Variants in TCF20 observed in about 807,000 individuals in gnomAD.
TCF20 encodes the protein SPRE-binding protein.
A neutral mutation model predicts 148.6 loss-of-function variants in TCF20; 3 were observed. The observed-to-expected ratio is 0.02, with a 90% confidence interval of 0.01 to 0.05. The LOEUF is 0.05. TCF20 is among the 10% of genes least tolerant of loss of function. TCF20 has a pLI of 1.00. For missense variants in TCF20, 2,350 were observed against 2,429.3 expected (o/e 0.97, Z 0.69); for synonymous variants, 1,049 against 909.5 (o/e 1.15, Z -2.76).
intron 1 of TCF20, among the ~76,000 whole-genome samples, chr22:42,289,252 T>C (rs1927089831): frequency 6.6e-6 from 1 of 152,192 alleles, no homozygotes; most frequent in Non-Finnish European, 1.5e-5. Flanking sequence ...GGTATTTTTA[T>C]ACCCATTTTA....
At chr22:42,342,715 G>A (rs973379852) in intron 1 of TCF20, among the ~76,000 whole-genome samples, 4 of 152,144 alleles carry the variant, frequency 2.6e-5, no homozygotes, top group East Asian at 1.9e-4. Context: ...CCCTACTTCC[G>A]CATTAAATTG....
At chr22:42,264,266 C>CG (rs1926166867) in intron 1 of TCF20, among the ~76,000 whole-genome samples, 1 of 1,174 alleles carries the variant, frequency 8.5e-4, no homozygotes, top group Admixed American at 0.013. Context: ...TAAAGTGGGG[C>CG]GGGGGCGGGG....
intron 3 of TCF20, 39 bp from the exon 4 acceptor site, chr22:42,169,935 A>G (rs1278566455): frequency 6.2e-7 from 1 of 1,607,804 alleles, no homozygotes; most frequent in Non-Finnish European, 8.5e-7. Flanking sequence ...GAGACTTCAC[A>G]GCTGGACATA....
chr22:42,254,959 CA>C (rs10625678), intron 1 of TCF20, among the ~76,000 whole-genome samples: 79 of 62,800 alleles, frequency 1.3e-3, no homozygotes, highest in Admixed American at 3.1e-3. Flanking sequence ...GACTCCGTCT[CA>C]AAAAAAAAAA....
At position 42,222,414 on chromosome 22, in the gene TCF20, G is replaced by C. The variant is rs145226648; in HGVS notation, c.-36-7073C>G. On this transcript the variant is annotated intron_variant, in intron 1 of 5. Coordinates refer to ENST00000677622, the MANE Select transcript of TCF20 (RefSeq NM_001378418.1). ...CGTCACTGTCATTTTCATCTTTCTT[G>C]GGCTAGAATAACACCTGAAAAGTTC... Among the ~76,000 whole-genome samples, 70 of 151,982 alleles carry C rather than the reference G, an allele frequency of 4.6e-4. No homozygotes were observed. In the Middle Eastern group the frequency reaches 0.017, roughly 37 times the overall value.
At chr22:42,285,812 G>A (rs2147021660), upstream of TCF20, among the ~76,000 whole-genome samples, 1 of 151,978 alleles carries the variant, frequency 6.6e-6, no homozygotes, top group African/African-American at 2.4e-5. This position sits in a 1 kb window ranked among gnomAD's most constrained non-coding sequence, Gnocchi z 4.2. Flanking sequence ...CTGGGCCTTT[G>A]CACATGCTGT....
chr22:42,280,291 C>A (rs1253142948), intron 1 of TCF20, among the ~76,000 whole-genome samples: 2 of 152,016 alleles, frequency 1.3e-5, no homozygotes, highest in African/African-American at 2.4e-5. Flanking sequence ...ATGGTGGTCA[C>A]AACTCGCTCA....
intron 3 of TCF20, among the ~76,000 whole-genome samples, chr22:42,175,291 G>A (rs1043854576): frequency 1.3e-5 from 2 of 152,050 alleles, no homozygotes; most frequent in South Asian, 2.1e-4. Flanking sequence ...TCAGCCTCCC[G>A]AGTACCTGAG....
intron 2 of TCF20, among the ~76,000 whole-genome samples, chr22:42,199,356 T>C (rs917742839): frequency 1.3e-5 from 2 of 152,086 alleles, no homozygotes; most frequent in African/African-American, 4.8e-5. Context: ...TCAGAGCCCA[T>C]TTCACCATAG....
chr22:42,165,881 C>T (rs1935752480), intron 5 of TCF20, among the ~76,000 whole-genome samples: 1 of 152,198 alleles, frequency 6.6e-6, no homozygotes, highest in Non-Finnish European at 1.5e-5. Context: ...TCACACAGCA[C>T]CTATCATATC....
At chr22:42,262,273 G>C (rs1926068938) in intron 1 of TCF20, among the ~76,000 whole-genome samples, 1 of 152,160 alleles carries the variant, frequency 6.6e-6, no homozygotes, top group Admixed American at 6.5e-5. Flanking sequence ...TCATGTTCCA[G>C]GTAAGAGGTA....
intron 1 of TCF20, among the ~76,000 whole-genome samples, chr22:42,332,273 C>T (rs1927989902): frequency 6.6e-6 from 1 of 152,194 alleles, no homozygotes; most frequent in African/African-American, 2.4e-5. Flanking sequence ...GAGGTCGGAA[C>T]AGCAAGTGCA....
chr22:42,210,197 C>T lies in TCF20; in HGVS notation c.5109G>A (p.Leu1703=), dbSNP rs1411189536. The part of the protein sequence containing the change: ...VVTESSVMGH[L]VCCLCGKWAS... Reference sequence around the variant, plus strand: ...CCCACTTGCCACACAGACAGCAAACCAGGTGCCCCATAACCGAAGACTCTG... The same window carrying T: ...CCCACTTGCCACACAGACAGCAAACTAGGTGCCCCATAACCGAAGACTCTG... The change falls in exon 2 of 6, where the codon CTG becomes CTA. Residue 1703 remains leucine (L), a synonymous_variant. Transcript: ENST00000677622. The surrounding 1 kb of genome is among the most constrained non-coding windows in gnomAD (Gnocchi z 4.7). The T allele has an allele frequency of 5.6e-6, 9 of 1,614,084 alleles. No individual in the cohort carries two copies. In the African/African-American group the frequency reaches 8.0e-5, roughly 14 times the overall value.
intron 1 of TCF20, among the ~76,000 whole-genome samples, chr22:42,267,606 T>C (rs1456956654): frequency 6.6e-6 from 1 of 151,800 alleles, no homozygotes; most frequent in African/African-American, 2.4e-5. Context: ...GAGGCTGAGG[T>C]GGGAGAATTG....
chr22:42,217,930 G>A (rs1376701400), intron 1 of TCF20, among the ~76,000 whole-genome samples: 2 of 152,218 alleles, frequency 1.3e-5, no homozygotes, highest in Non-Finnish European at 2.9e-5. Context: ...ACTTCCTTAA[G>A]CTTGATTATA....
In TCF20 at chr22:42,299,349, ACT is replaced by A. The variant is rs1274348788; in HGVS notation, c.-37+44128_-37+44129del. Among the ~76,000 whole-genome samples, 1 of 151,438 alleles carries A rather than the reference ACT, an allele frequency of 6.6e-6. No individual in the cohort carries two copies. Among genetic ancestry groups the A allele is most frequent in the Non-Finnish European group, 1.5e-5 (1 of 67,858 alleles). On this transcript the variant is annotated intron_variant, in intron 1 of 1. Transcript: ENST00000515426. The surrounding 1 kb of genome is among the most constrained non-coding windows in gnomAD (Gnocchi z 4.1). ...CCCACATCCAGCCCCCTGCTCTGGC[ACT>A]CTCTCCATCTGCCTCTCACACAGTC...
At chr22:42,323,304 T>G (rs1601706446) in intron 1 of TCF20, among the ~76,000 whole-genome samples, 2 of 146,028 alleles carry the variant, frequency 1.4e-5, no homozygotes, top group South Asian at 2.3e-4. Context: ...CGTGGAAGGG[T>G]GGGTGGGATG....
At chr22:42,293,548 C>T (rs570462826) in intron 1 of TCF20, among the ~76,000 whole-genome samples, 1 of 152,312 alleles carries the variant, frequency 6.6e-6, no homozygotes, top group East Asian at 1.9e-4. Flanking sequence ...CTCCCAATCT[C>T]AGGTGTCCCT....
chr22:42,165,929 C>T (rs1181121952), intron 5 of TCF20, among the ~76,000 whole-genome samples: 5 of 152,236 alleles, frequency 3.3e-5, no homozygotes, highest in South Asian at 2.1e-4. Flanking sequence ...GGCAGACACA[C>T]ACGCACATTC....
Sources: gnomAD v4.1 joint callset for allele counts (sites outside exome capture counted in the v4.1 genomes callset) on GRCh38, gnomAD v4.1.1 for gene constraint, Gnocchi (gnomAD v3.1) non-coding constraint, MANE v1.5 for transcripts, NCBI Gene and HGNC (gene_info 2026-07-23, HGNC 2026-07-21) for gene names.